Variants in CDC42BPA observed in about 807,000 individuals in gnomAD.
CDC42BPA encodes the protein CDC42 binding protein kinase alpha.
A neutral mutation model predicts 223.5 loss-of-function variants in CDC42BPA; 80 were observed. The ratio of observed to expected loss-of-function variants is 0.36; its 90% confidence interval spans 0.30 to 0.43. The LOEUF (loss-of-function observed/expected upper bound fraction) is 0.43, where lower values mean the gene tolerates loss of function less well. Ranked by LOEUF, CDC42BPA falls within the 20% of genes least tolerant of loss-of-function variation. The probability of loss-of-function intolerance (pLI) is 1.00; values close to 1 mark genes in which losing one functional copy is unlikely to be tolerated. For missense variants in CDC42BPA, 1,743 were observed against 2,099.9 expected, an observed-to-expected ratio of 0.83 and a Z score of 3.32; for synonymous variants, 694 against 718.6, an observed-to-expected ratio of 0.97 and a Z score of 0.55.
At chr1:227,035,182 T>C (rs1669991740) in intron 25 of CDC42BPA, among the ~76,000 whole-genome samples, 1 of 152,152 alleles carries the variant, frequency 6.6e-6, no homozygotes, top group East Asian at 1.9e-4. Flanking sequence ...TCATAATTCA[T>C]AACCATATGC....
intron 1 of CDC42BPA, among the ~76,000 whole-genome samples, chr1:227,270,619 A>G (rs1370624184): frequency 6.6e-6 from 1 of 152,218 alleles, no homozygotes; most frequent in African/African-American, 2.4e-5. Context: ...ACTATTGTTA[A>G]GTGTACATCA....
chr1:227,273,548 A>C (rs1472730532), intron 1 of CDC42BPA, among the ~76,000 whole-genome samples: 1 of 151,466 alleles, frequency 6.6e-6, no homozygotes, highest in Non-Finnish European at 1.5e-5. Flanking sequence ...AAAAAAAAAA[A>C]CCAACAACAA....
chr1:227,104,475 G>C (rs1389218440), intron 14 of CDC42BPA, among the ~76,000 whole-genome samples: 2 of 151,994 alleles, frequency 1.3e-5, no homozygotes, highest in South Asian at 2.1e-4. Flanking sequence ...AATTCTTCTT[G>C]AACTACTTAA....
Position 227,112,551 on chromosome 1 carries a change from T to A in CDC42BPA, c.1890+120A>T. 2 of 901,142 alleles carry A rather than the reference T, an allele frequency of 2.2e-6. 1 individual carries two copies. Among genetic ancestry groups the A allele is most frequent in the Non-Finnish European group, 3.0e-6 (2 of 656,904 alleles). The allele number at this position is 901,142 out of a possible 1,614,324, so 55.8% of individuals were successfully genotyped here. ...ATGTTTAAATCCATATTAAATAATATTAATGAACTATAAAAATAACTTTAG... is the reference window on the plus strand; with the variant it reads ...ATGTTTAAATCCATATTAAATAATAATAATGAACTATAAAAATAACTTTAG... On this transcript the variant is annotated intron_variant, in intron 13 of 36. Transcript: ENST00000366766.
chr1:227,247,763 T>C (rs992214266), intron 2 of CDC42BPA, among the ~76,000 whole-genome samples: 1 of 151,830 alleles, frequency 6.6e-6, no homozygotes, highest in African/African-American at 2.4e-5. Context: ...GCACCTGTAG[T>C]CCCAGCTACT....
At chr1:227,036,704 C>G (rs1670341202) in intron 24 of CDC42BPA, among the ~76,000 whole-genome samples, 1 of 147,010 alleles carries the variant, frequency 6.8e-6, no homozygotes, top group South Asian at 2.1e-4. Context: ...GCTGAGATTA[C>G]AGGCGTTGAG....
rs57210205 is a variant in CDC42BPA, at chr1:227,100,747, A to AGTGTGTGTGTGTGTGTGTGTGTGTGTGT, written c.2249+217_2249+244dup. On this transcript the variant is annotated intron_variant, in intron 15 of 36. Coordinates refer to ENST00000366766, the MANE Select transcript of CDC42BPA (RefSeq NM_001394014.1). ...TGTGTGTCTGCCATCATACCCAGCT[A>AGTGTGTGTGTGTGTGTGTGTGTGTGTGT]GTGTGTGTGTGTGTGTGTGTGTGTG... 3.2e-3 allele frequency among the ~76,000 whole-genome samples: 446 copies of AGTGTGTGTGTGTGTGTGTGTGTGTGTGT among 137,380 alleles called. 3 individuals are homozygous for AGTGTGTGTGTGTGTGTGTGTGTGTGTGT. The highest frequency in any genetic ancestry group is 7.6e-3 in the African/African-American group (282 of 36,954). The allele number at this position is 137,380 out of a possible 152,430, so 90.1% of individuals were successfully genotyped here. A position where few individuals can be genotyped will look rare whatever the true frequency, so the allele number is the denominator to read the frequency against.
chr1:226,999,346 T>C (rs1662303831), intron 35 of CDC42BPA, among the ~76,000 whole-genome samples: 1 of 152,054 alleles, frequency 6.6e-6, no homozygotes, highest in Non-Finnish European at 1.5e-5. Flanking sequence ...CCAGCTAATT[T>C]TTTGAATTTT....
intron 3 of CDC42BPA, among the ~76,000 whole-genome samples, chr1:227,211,826 T>C (rs1208253857): frequency 7.9e-5 from 12 of 152,050 alleles, no homozygotes; most frequent in Admixed American, 7.9e-4. Flanking sequence ...ATGTTCACTA[T>C]TTGGGTGATG....
chr1:227,238,146 A>C (rs1333865344), intron 2 of CDC42BPA, among the ~76,000 whole-genome samples: 5 of 151,510 alleles, frequency 3.3e-5, no homozygotes, highest in Non-Finnish European at 7.4e-5. Flanking sequence ...TGAGGCCAGG[A>C]GTTCAAGACC....
chr1:227,091,627 G>A (rs931339430), intron 16 of CDC42BPA, among the ~76,000 whole-genome samples: 9 of 148,148 alleles, frequency 6.1e-5, no homozygotes, highest in Admixed American at 5.4e-4. Flanking sequence ...TGGACTAATT[G>A]GATGGAGAGT....
At chr1:227,241,490 T>C (rs762499283) in intron 2 of CDC42BPA, among the ~76,000 whole-genome samples, 5 of 152,204 alleles carry the variant, frequency 3.3e-5, no homozygotes, top group Non-Finnish European at 7.4e-5. Flanking sequence ...TAAAATGGTA[T>C]ACTGCTCAGT....
chr1:227,029,136 G>A lies in CDC42BPA; in HGVS notation c.3953C>T (p.Ser1318Leu). Reference protein sequence around the residue: ...RNRHVRLFPMSALDGRETDFY... With the variant: ...RNRHVRLFPMLALDGRETDFY... ...ATCGGTCTCTCGCCCATCCAATGCT[G>A]ACATAGGAAAAAGTCGTACATGACG... The change falls in exon 30 of 37, where the codon TCA becomes TTA. Residue 1318 changes from serine (S) to leucine (L), a missense_variant. Ser to Leu is a moderately radical substitution (Grantham distance 145). Transcript: ENST00000366766. 6.2e-7 allele frequency: 1 copy of A among 1,609,926 alleles called. No homozygotes were observed. The highest frequency in any genetic ancestry group is 8.5e-7 in the Non-Finnish European group (1 of 1,179,930).
intron 14 of CDC42BPA, among the ~76,000 whole-genome samples, chr1:227,109,246 T>A (rs1002589850): frequency 1.7e-4 from 26 of 152,134 alleles, no homozygotes; most frequent in African/African-American, 6.3e-4. Flanking sequence ...TTTTTAAAAT[T>A]TTACTTATCC....
intron 22 of CDC42BPA, among the ~76,000 whole-genome samples, chr1:227,049,817 A>G (rs1000600667): frequency 3.9e-5 from 6 of 152,286 alleles, no homozygotes; most frequent in Non-Finnish European, 4.4e-5. Flanking sequence ...CACATGGGAA[A>G]AAGACATTAG....
intron 2 of CDC42BPA, among the ~76,000 whole-genome samples, chr1:227,240,769 G>A (rs1386027682): frequency 6.6e-6 from 1 of 151,314 alleles, no homozygotes; most frequent in Non-Finnish European, 1.5e-5. Flanking sequence ...AAATATAGTA[G>A]CTAAAAATAG....
rs1447355804 is a variant in CDC42BPA, at chr1:227,010,827, G to A, written c.4857+5253C>T. 5 of 1,135,340 alleles carry A rather than the reference G, an allele frequency of 4.4e-6. No individual in the cohort carries two copies. The African/African-American group carries it at 6.5e-5, about 15-fold the overall frequency. 70.3% of individuals were successfully genotyped at this position (1,135,340 alleles called of 1,614,324 possible). On this transcript the variant is annotated intron_variant, in intron 34 of 36. Transcript: ENST00000366766. Reference sequence around the variant, plus strand: ...TGTTACTTATTAAGCCAGGCAAAAGGAAATCCATACATGGTTAGTGAAAGT... The same window carrying A: ...TGTTACTTATTAAGCCAGGCAAAAGAAAATCCATACATGGTTAGTGAAAGT...
At chr1:227,309,541 ATG>A (rs1269280626) in intron 1 of CDC42BPA, among the ~76,000 whole-genome samples, 1 of 152,222 alleles carries the variant, frequency 6.6e-6, no homozygotes, top group East Asian at 1.9e-4. Context: ...CCTAGCCAAA[ATG>A]TGTTACACTG....
intron 11 of CDC42BPA, among the ~76,000 whole-genome samples, chr1:227,127,375 A>G (rs1656040341): frequency 1.3e-5 from 2 of 152,230 alleles, no homozygotes; most frequent in South Asian, 2.1e-4. Flanking sequence ...GTTGATTTGA[A>G]TATTTTACAT....
Sources: allele counts gnomAD v4.1 joint callset (sites outside exome capture counted in the v4.1 genomes callset), GRCh38; gene constraint gnomAD v4.1.1; transcripts MANE v1.5; gene names NCBI Gene and HGNC (gene_info 2026-07-23, HGNC 2026-07-21).